MED12: variants seen among roughly 807,000 people sequenced by gnomAD.
MED12 encodes the protein mediator of RNA polymerase II transcription subunit 12.
In MED12, 10 loss-of-function variants were observed where a neutral mutation model predicts 177.7. The ratio of observed to expected loss-of-function variants is 0.06; its 90% CI spans 0.03 to 0.10. The LOEUF is 0.10. Among genes scored for constraint, MED12 ranks in the 10% least tolerant of loss-of-function variants. MED12 has a pLI of 1.00. For missense variants in MED12, 867 were observed against 1,780.8 expected (o/e 0.49, Z 9.23); for synonymous variants, 641 against 678.4 (o/e 0.94, Z 0.86).
Position 71,121,405 on chromosome X carries a change from T to C in MED12, c.814T>C (p.Leu272=). 8.3e-7 allele frequency: 1 copy of C among 1,211,696 alleles called. No individual in the cohort carries two copies. Among genetic ancestry groups the C allele is most frequent in the Non-Finnish European group, 1.1e-6 (1 of 895,506 alleles). ...FEKIRPGEDE[L]LKLLLPLLLR... Reference sequence around the variant, plus strand: ...GAAGATCCGCCCTGGAGAGGATGAATTGCTTAAACTGCTGCTGCCTCTGCT... The same window carrying C: ...GAAGATCCGCCCTGGAGAGGATGAACTGCTTAAACTGCTGCTGCCTCTGCT... The change falls in exon 6 of 45, where the codon TTG becomes CTG. Residue 272 remains leucine (L), a synonymous_variant. Coordinates refer to ENST00000374080, the MANE Select transcript of MED12 (RefSeq NM_005120.3).
At position 71,141,366 on chromosome X, in the gene MED12, C is replaced by T; in HGVS notation, c.6404C>T (p.Pro2135Leu). The T allele has an allele frequency of 1.7e-6, 2 of 1,164,370 alleles. No individual in the cohort carries two copies. The highest frequency in any genetic ancestry group is 2.3e-6 in the Non-Finnish European group (2 of 871,988). Residue 2135 changes from proline to leucine, a missense_variant, in exon 43 of 45, where the codon CCC becomes CTC. By Grantham distance (98) the Pro-to-Leu change is moderately conservative (BLOSUM62 -3). Transcript: ENST00000374080. ...APPQPQPQSQ[P>L]QFQRQGLQQT... ...CCCCAACCCCAGCCCCAGTCCCAGCCCCAGGTAGCTGCTGGACTACAGCCC... is the reference window on the plus strand; with the variant it reads ...CCCCAACCCCAGCCCCAGTCCCAGCTCCAGGTAGCTGCTGGACTACAGCCC...
rs966516434 is a variant in MED12 at position 71,129,433 on chromosome X, C to CG, written c.3691+9dup. ...CTCAAGGCTGTGTTTGTACTTGGTACGGGGGTAGGAAGGGAGTGGTGCCAG... is the reference window on the plus strand; with the variant it reads ...CTCAAGGCTGTGTTTGTACTTGGTACGGGGGGTAGGAAGGGAGTGGTGCCAG... On this transcript the variant is annotated splice_donor_region_variant and intron_variant, in intron 26 of 44. Transcript: ENST00000374080. 6.9e-6 allele frequency: 8 copies of CG among 1,164,442 alleles called. No homozygotes were observed. The highest frequency in any genetic ancestry group is 5.3e-5 in the African/African-American group (3 of 56,285).
At chrX:71,122,650 A>G (rs1250606467) in intron 9 of MED12, 43 bp downstream of exon 9, 1 of 1,196,736 alleles carries the variant, frequency 8.4e-7, no homozygotes, top group Non-Finnish European at 1.1e-6. Context: ...GTTTGAGGAA[A>G]GGATGGGGAT....
chrX:71,137,461 T>C, intron 39 of MED12, 78 bp downstream of exon 39: 1 of 1,161,109 alleles, frequency 8.6e-7, no homozygotes, highest in Non-Finnish European at 1.2e-6. Context: ...GAGGAGACAC[T>C]TGGGATCTTC....
intron 41 of MED12, 69 bp downstream of exon 41, chrX:71,138,012 T>C: frequency 2.8e-6 from 3 of 1,079,658 alleles, no homozygotes; most frequent in Non-Finnish European, 3.9e-6. Context: ...TGGGAAAGCC[T>C]GTGCCTGAAA....
Position 71,134,431 on chromosome X carries a change from C to G in MED12, c.4692C>G (p.Ile1564Met). 2 of 1,164,515 alleles carry G rather than the reference C, an allele frequency of 1.7e-6. No homozygotes were observed. The highest frequency in any genetic ancestry group is 1.2e-6 in the Non-Finnish European group (1 of 867,583). ...AGTGGGCCATGCTCCTCCTGGAGAT[C>G]ATCATCAGCGGCACTGTCGACATGC... ...TTEWAMLLLE[I>M]IISGTVDMQS... The change falls in exon 34 of 45, where the codon ATC becomes ATG. Residue 1564 changes from isoleucine (I) to methionine (M), a missense_variant. Ile to Met is a conservative substitution (Grantham distance 10). This residue lies in a region of MED12 where 34 missense variants were observed against 58.9 expected (regional missense o/e 0.58). Transcript: ENST00000374080.
At chrX:71,135,565 C>A (rs182896782) in intron 36 of MED12, among the ~76,000 whole-genome samples, 1 of 111,237 alleles carries the variant, frequency 9.0e-6, no homozygotes, top group African/African-American at 3.3e-5. Flanking sequence ...TCTATCTGGC[C>A]GACAGCCTGT....
chrX:71,127,167 C>G (rs2147798801), intron 20 of MED12, 35 bp downstream of exon 20: 1 of 1,189,628 alleles, frequency 8.4e-7, no homozygotes, highest in Non-Finnish European at 1.1e-6. Flanking sequence ...AAACAAAGCT[C>G]TGGCGAATGC....
intron 17 of MED12, 60 bp from the exon 18 acceptor site, chrX:71,125,976 A>C (rs1340686205): frequency 1.1e-5 from 6 of 526,461 alleles, no homozygotes; most frequent in African/African-American, 9.3e-5. Flanking sequence ...CCCACTCCCC[A>C]CCCCTAGTCA....
rs756332661 is a variant in MED12 at position 71,120,767 on chromosome X, C to T, written c.554-204C>T. 1.2e-3 allele frequency among the ~76,000 whole-genome samples: 138 copies of T among 110,439 alleles called. 1 individual carries two copies. The highest frequency in any genetic ancestry group is 1.1e-3 in the East Asian group (4 of 3,494). On this transcript the variant is annotated intron_variant, in intron 4 of 44. Transcript: ENST00000374080. The stretch of plus-strand genomic sequence containing the variant: ...CTGGGATTACAGGCGCCCACCACTG[C>T]GCCCGGCTAATTTTTGTATTTTTCT...
intron 43 of MED12, 97 bp downstream of exon 43, chrX:71,141,467 G>A (rs1452593843): frequency 4.7e-6 from 5 of 1,068,262 alleles, no homozygotes; most frequent in Admixed American, 2.6e-5. Flanking sequence ...ATAGGGTAGA[G>A]GTGGGAGGCA....
Position 71,120,010 on chromosome X carries a change from C to A in MED12, c.397-4C>A. The A allele has an allele frequency of 8.3e-7, 1 of 1,211,689 alleles. No homozygotes were observed. The highest frequency in any genetic ancestry group is 1.7e-5 in the African/African-American group (1 of 57,830). On this transcript the variant is annotated splice_region_variant and splice_polypyrimidine_tract_variant and intron_variant, in intron 3 of 44. Coordinates refer to ENST00000374080, the MANE Select transcript of MED12 (RefSeq NM_005120.3). ...AGACCTCACTATTTGCAATGTCCAT[C>A]CAGGTCCCCATTTTCAGTAAGAAGG...
chrX:71,135,366 T>C, intron 36 of MED12, 113 bp downstream of exon 36: 1 of 848,466 alleles, frequency 1.2e-6, no homozygotes, highest in East Asian at 3.2e-5. Flanking sequence ...AGCCCATCAG[T>C]CTCTGCCGGT....
At chrX:71,125,258 C>T in intron 15 of MED12, 93 bp from the exon 16 acceptor site, 1 of 1,197,072 alleles carries the variant, frequency 8.4e-7, no homozygotes, top group South Asian at 1.8e-5. Context: ...AAGGGAAGGG[C>T]TTTAGCATGT....
chrX:71,129,934 C>T, intron 27 of MED12, 79 bp downstream of exon 27: 1 of 1,175,612 alleles, frequency 8.5e-7, no homozygotes, highest in Non-Finnish European at 1.2e-6. Context: ...ATCACACCAG[C>T]TCCCTACTAT....
Position 71,121,356 on chromosome X carries a change from G to A in MED12, c.765G>A (p.Leu255=). 3 of 1,211,887 alleles carry A rather than the reference G, an allele frequency of 2.5e-6. No homozygotes were observed. The highest frequency in any genetic ancestry group is 1.1e-6 in the Non-Finnish European group (1 of 895,515). Reference sequence around the variant, plus strand: ...GAATGCTGGACAGACATGAGTTCCTGACCTGGGTGCTTGAGTGTTTTGAGA... The same window carrying A: ...GAATGCTGGACAGACATGAGTTCCTAACCTGGGTGCTTGAGTGTTTTGAGA... ...QDGMLDRHEF[L]TWVLECFEKI... The change falls in exon 6 of 45, where the codon CTG becomes CTA. Residue 255 remains leucine (L), a synonymous_variant. Transcript: ENST00000374080.
chrX:71,128,158 C>T (rs774862451), intron 22 of MED12, 38 bp downstream of exon 22: 12 of 1,190,765 alleles, frequency 1.0e-5, no homozygotes, highest in Admixed American at 4.3e-5. Context: ...CACCATGCCC[C>T]CATCTGAGAT....
intron 33 of MED12, 56 bp downstream of exon 33, chrX:71,133,268 G>A: frequency 1.2e-6 from 1 of 849,088 alleles, no homozygotes; most frequent in South Asian, 2.0e-5. Context: ...AATGCGGAGT[G>A]CAAAAGCCTC....
At chrX:71,134,896 G>A in intron 35 of MED12, 48 bp downstream of exon 35, 1 of 1,207,103 alleles carries the variant, frequency 8.3e-7, no homozygotes, top group Admixed American at 2.2e-5. Flanking sequence ...GGAATCTGCT[G>A]TCCAGCCTCA....
Sources: allele counts gnomAD v4.1 joint callset (sites outside exome capture counted in the v4.1 genomes callset), GRCh38; gene constraint gnomAD v4.1.1; regional missense constraint gnomAD v4.1.1; transcripts MANE v1.5; gene names NCBI Gene and HGNC (gene_info 2026-07-23, HGNC 2026-07-21).